Variants in CFAP206 observed in about 807,000 individuals in gnomAD.
The protein encoded by CFAP206 is cilia- and flagella-associated protein 206.
CFAP206 carries 53 observed loss-of-function variants against 65.4 expected under a neutral mutation model. The observed-to-expected ratio is 0.81, with a 90% CI of 0.65 to 1.02. The LOEUF is 1.02. Among genes scored for constraint, CFAP206 ranks in the 50% least tolerant of loss-of-function variants. CFAP206 has a pLI of 0.00. For missense variants in CFAP206, 663 were observed against 753.2 expected (o/e 0.88, Z 1.40); for synonymous variants, 250 against 254.4 (o/e 0.98, Z 0.17).
chr6:87,420,846 G>A (rs1330521837), intron 7 of CFAP206, among the ~76,000 whole-genome samples: 1 of 152,130 alleles, frequency 6.6e-6, no homozygotes, highest in Non-Finnish European at 1.5e-5. Context: ...TGGCTGTTTT[G>A]TACTGACTTT....
At chr6:87,449,112 CAAACTTGCATTTCCATA>C (rs753955484) in intron 11 of CFAP206, among the ~76,000 whole-genome samples, 61 of 152,164 alleles carry the variant, frequency 4.0e-4, no homozygotes, top group South Asian at 2.3e-3. Context: ...GCATTCCCAT[CAAACTTGCATTTCCATA>C]AAAAGTGTAT....
intron 7 of CFAP206, among the ~76,000 whole-genome samples, chr6:87,419,229 G>A (rs1406713532): frequency 1.3e-5 from 2 of 151,720 alleles, no homozygotes; most frequent in Non-Finnish European, 2.9e-5. Flanking sequence ...GCTTCCCAAA[G>A]TGCTGGGGTA....
chr6:87,439,614 T>A (rs1211070629), intron 11 of CFAP206, among the ~76,000 whole-genome samples: 1 of 152,124 alleles, frequency 6.6e-6, no homozygotes, highest in Non-Finnish European at 1.5e-5. Context: ...TAAGAAGTTC[T>A]TACGTATTTT....
chr6:87,449,514 A>G (rs1768505687), intron 11 of CFAP206, among the ~76,000 whole-genome samples: 1 of 138,952 alleles, frequency 7.2e-6, no homozygotes, highest in Admixed American at 7.4e-5. Context: ...TGTCTTTTTT[A>G]TAATAGGCAT....
chr6:87,410,512 A>G (rs1767716266), intron 2 of CFAP206, 73 bp from the exon 3 acceptor site: 1 of 1,118,808 alleles, frequency 8.9e-7, no homozygotes, highest in Admixed American at 1.8e-5. Flanking sequence ...AAACATATTA[A>G]GCTAATAATA....
chr6:87,451,427 G>C (rs906910243), intron 11 of CFAP206, among the ~76,000 whole-genome samples: 1 of 152,156 alleles, frequency 6.6e-6, no homozygotes, highest in Non-Finnish European at 1.5e-5. Context: ...GGGCCAGAAG[G>C]GAACCCATTG....
At chr6:87,460,912 C>T (rs1234139776) in intron 11 of CFAP206, 110 bp from the exon 12 acceptor site, 2 of 876,312 alleles carry the variant, frequency 2.3e-6, no homozygotes, top group African/African-American at 1.8e-5. Context: ...ATTCCATGTC[C>T]AAAAATTATT....
chr6:87,426,751 G>T (rs1768050395), intron 8 of CFAP206, 106 bp downstream of exon 8: 1 of 914,664 alleles, frequency 1.1e-6, no homozygotes, highest in Non-Finnish European at 1.5e-6. Context: ...AAAATATAAT[G>T]TTTTGTATAA....
intron 9 of CFAP206, among the ~76,000 whole-genome samples, chr6:87,430,814 C>T (rs1200256839): frequency 6.6e-6 from 1 of 152,166 alleles, no homozygotes; most frequent in Non-Finnish European, 1.5e-5. Flanking sequence ...AAGTTTGCCC[C>T]AGAAACTTAC....
chr6:87,451,214 G>A (rs945663851), intron 11 of CFAP206, among the ~76,000 whole-genome samples: 1 of 152,172 alleles, frequency 6.6e-6, no homozygotes, highest in Non-Finnish European at 1.5e-5. Context: ...CACCAGCTAC[G>A]GTAGACAAGG....
At chr6:87,422,578 C>T (rs541288778) in intron 7 of CFAP206, among the ~76,000 whole-genome samples, 27 of 151,714 alleles carry the variant, frequency 1.8e-4, no homozygotes, top group African/African-American at 2.7e-4. Flanking sequence ...GGTGAAACCC[C>T]GTCTCTACTA....
intron 11 of CFAP206, among the ~76,000 whole-genome samples, chr6:87,444,243 G>C (rs1447255988): frequency 6.6e-6 from 1 of 152,156 alleles, no homozygotes; most frequent in African/African-American, 2.4e-5. Context: ...TGCTTCAGCT[G>C]CATTTGGGGT....
At position 87,435,508 on chromosome 6, in the gene CFAP206, G is replaced by A. The variant is rs183857348; in HGVS notation, c.1494+455G>A. ...TTGATTAATTCATTCATCTTATTTA[G>A]TAAGCCACTTATTGTGTGTCAGTAA... On this transcript the variant is annotated intron_variant, in intron 11 of 12. Coordinates refer to ENST00000369562, the MANE Select transcript of CFAP206 (RefSeq NM_001031743.3). 1.9e-3 allele frequency: 285 copies of A among 153,098 alleles called. 1 individual carries two copies. Among genetic ancestry groups the A allele is most frequent in the South Asian group, 6.7e-3 (33 of 4,890 alleles). The allele number at this position is 153,098 out of a possible 1,614,324, so 9.5% of individuals were successfully genotyped here.
rs11966859 is a variant in CFAP206 at position 87,408,346 on chromosome 6, T to C, written c.-6+257T>C. Reference sequence around the variant, plus strand: ...GTGCCTGAGGCCTCCCGCTTCTGTTTCGCTCCACTGGCTACCCCAGAAGCC... The same window carrying C: ...GTGCCTGAGGCCTCCCGCTTCTGTTCCGCTCCACTGGCTACCCCAGAAGCC... On this transcript the variant is annotated intron_variant, in intron 1 of 12. Coordinates refer to ENST00000369562, the MANE Select transcript of CFAP206 (RefSeq NM_001031743.3). 676 of 74,468 alleles carry C rather than the reference T, an allele frequency of 9.1e-3. 39 individuals are homozygous for C. The highest frequency in any genetic ancestry group is 0.018 in the African/African-American group (294 of 16,012). 4.6% of individuals were successfully genotyped at this position (74,468 alleles called of 1,614,324 possible).
chr6:87,452,073 G>T (rs997821197), intron 11 of CFAP206, among the ~76,000 whole-genome samples: 4 of 152,174 alleles, frequency 2.6e-5, no homozygotes, highest in African/African-American at 7.2e-5. Flanking sequence ...GTACAAGGGG[G>T]TGCTTGCATC....
intron 11 of CFAP206, among the ~76,000 whole-genome samples, chr6:87,459,478 A>G (rs928328820): frequency 1.3e-5 from 2 of 152,204 alleles, no homozygotes; most frequent in African/African-American, 4.8e-5. Flanking sequence ...CATGCAGATA[A>G]GCAGATATAA....
intron 11 of CFAP206, among the ~76,000 whole-genome samples, chr6:87,452,085 C>T (rs1768556222): frequency 6.6e-6 from 1 of 152,170 alleles, no homozygotes; most frequent in Non-Finnish European, 1.5e-5. Flanking sequence ...GCTTGCATCA[C>T]CTCTCCTCCC....
At position 87,417,553 on chromosome 6, in the gene CFAP206, C is replaced by CTTTTT. The variant is rs11394813; in HGVS notation, c.632-643_632-639dup. 4.4e-4 allele frequency among the ~76,000 whole-genome samples: 59 copies of CTTTTT among 132,834 alleles called. 2 individuals carry two copies. In the Middle Eastern group the frequency reaches 0.021, roughly 47 times the overall value. The allele number at this position is 132,834 out of a possible 152,430, so 87.1% of individuals were successfully genotyped here. On this transcript the variant is annotated intron_variant, in intron 6 of 12. Coordinates refer to ENST00000369562, the MANE Select transcript of CFAP206 (RefSeq NM_001031743.3). ...CAGATGAGTTTCTTAACAAACGTTCCTTTTTTTTTTTTTTTTAATAACTAG... is the reference window on the plus strand; with the variant it reads ...CAGATGAGTTTCTTAACAAACGTTCCTTTTTTTTTTTTTTTTTTTTTAATAACTAG...
In CFAP206 at chr6:87,415,182, T is replaced by A. The variant is rs997865989; in HGVS notation, c.284-504T>A. On this transcript the variant is annotated intron_variant, in intron 4 of 12. Coordinates refer to ENST00000369562, the MANE Select transcript of CFAP206 (RefSeq NM_001031743.3). Reference sequence around the variant, plus strand: ...TATCAATAATGCTTTTCAGAGGAAATTTATCTAGAACTGAAATAAAAATAC... The same window carrying A: ...TATCAATAATGCTTTTCAGAGGAAAATTATCTAGAACTGAAATAAAAATAC... 4.1e-4 allele frequency among the ~76,000 whole-genome samples: 63 copies of A among 152,076 alleles called. 1 individual carries two copies. The highest frequency in any genetic ancestry group is 1.5e-3 in the African/African-American group (62 of 41,502).
Sources: allele counts gnomAD v4.1 joint callset (sites outside exome capture counted in the v4.1 genomes callset), GRCh38; gene constraint gnomAD v4.1.1; transcripts MANE v1.5; gene names NCBI Gene and HGNC (gene_info 2026-07-23, HGNC 2026-07-21).